The following ERBB4 variants were observed in gnomAD, a reference collection of about 807,000 sequenced individuals.
ERBB4 encodes the protein erb-b2 receptor tyrosine kinase 4, also known as receptor tyrosine-protein kinase erbB-4.
In ERBB4, 42 loss-of-function variants were observed where a neutral mutation model predicts 158.0. That is an observed-to-expected ratio of 0.27 (90% CI 0.21 to 0.34). The LOEUF (loss-of-function observed/expected upper bound fraction) is 0.34, where lower values mean the gene tolerates loss of function less well. Ranked by LOEUF, ERBB4 falls within the 10% of genes least tolerant of loss-of-function variation. ERBB4 has a pLI of 1.00. For missense variants in ERBB4, 1,333 were observed against 1,624.1 expected, an observed-to-expected ratio of 0.82 and a Z score of 3.08; for synonymous variants, 583 against 558.7, an observed-to-expected ratio of 1.04 and a Z score of -0.61.
chr2:211,716,185 A>C (rs992186527), intron 7 of ERBB4, among the ~76,000 whole-genome samples: 1 of 151,370 alleles, frequency 6.6e-6, no homozygotes, highest in African/African-American at 2.4e-5. Context: ...CAACATGGAG[A>C]AACCCTGTCT....
Position 212,446,972 on chromosome 2 carries a change from A to T in ERBB4, c.82+91477T>A, listed in dbSNP as rs1490909690. On this transcript the variant is annotated intron_variant, in intron 1 of 27. Transcript: ENST00000342788. ...AAAGGAAGTCAATGGAAAGAAAAAA[A>T]TACTAATTAATACCAAATTTTTCTT... Among the ~76,000 whole-genome samples, 4 of 150,970 alleles carry T rather than the reference A, an allele frequency of 2.6e-5. 1 individual carries two copies. Among genetic ancestry groups the T allele is most frequent in the South Asian group, 4.2e-4 (2 of 4,784 alleles).
chr2:211,705,906 A>T (rs2073421436), intron 9 of ERBB4, among the ~76,000 whole-genome samples: 1 of 152,156 alleles, frequency 6.6e-6, no homozygotes, highest in Non-Finnish European at 1.5e-5. Flanking sequence ...GTGAATTTTC[A>T]TAATATTTAT....
intron 1 of ERBB4, among the ~76,000 whole-genome samples, chr2:212,183,242 A>G (rs1392609201): frequency 6.6e-6 from 1 of 151,986 alleles, no homozygotes; most frequent in African/African-American, 2.4e-5. Flanking sequence ...TAGTAATAAA[A>G]AATAAAAAAG....
At chr2:211,487,545 A>C (rs886459610) in intron 20 of ERBB4, among the ~76,000 whole-genome samples, 2 of 152,030 alleles carry the variant, frequency 1.3e-5, no homozygotes, top group African/African-American at 4.8e-5. Context: ...CATTTTAAAA[A>C]CAATTATTTT....
At chr2:211,837,950 A>T (rs184652191) in intron 3 of ERBB4, among the ~76,000 whole-genome samples, 1 of 152,156 alleles carries the variant, frequency 6.6e-6, no homozygotes, top group Admixed American at 6.6e-5. Flanking sequence ...ATATCTACAA[A>T]GCACATGGGA....
At chr2:211,888,738 A>T (rs933749463) in intron 3 of ERBB4, among the ~76,000 whole-genome samples, 18 of 151,984 alleles carry the variant, frequency 1.2e-4, no homozygotes, top group African/African-American at 3.9e-4. Context: ...CTCACCTGGG[A>T]AGCGCGAGGG....
intron 19 of ERBB4, among the ~76,000 whole-genome samples, chr2:211,603,546 G>T (rs555207477): frequency 6.6e-6 from 1 of 152,200 alleles, no homozygotes; most frequent in South Asian, 2.1e-4. Context: ...CATTTCTTTT[G>T]GTCTCTGGTT....
intron 1 of ERBB4, among the ~76,000 whole-genome samples, chr2:212,260,165 T>G (rs1457140057): frequency 6.6e-6 from 1 of 152,082 alleles, no homozygotes; most frequent in African/African-American, 2.4e-5. Context: ...AAAGGAGATA[T>G]GAGAAAATAA....
chr2:211,478,115 T>A (rs889624998), intron 20 of ERBB4, among the ~76,000 whole-genome samples: 1 of 152,184 alleles, frequency 6.6e-6, no homozygotes, highest in South Asian at 2.1e-4. Context: ...AATAAAGGGA[T>A]GCCAACCACA....
chr2:211,977,465 T>C (rs1434708394), intron 2 of ERBB4, among the ~76,000 whole-genome samples: 1 of 150,094 alleles, frequency 6.7e-6, no homozygotes, highest in Non-Finnish European at 1.5e-5. Flanking sequence ...CCGTAACTTC[T>C]CAGAGTGCCT....
intron 3 of ERBB4, among the ~76,000 whole-genome samples, chr2:211,934,654 A>G (rs892269758): frequency 2.0e-5 from 3 of 151,952 alleles, no homozygotes; most frequent in Non-Finnish European, 2.9e-5. Flanking sequence ...AAAATAAAAC[A>G]CGCTTCAAAT....
intron 1 of ERBB4, among the ~76,000 whole-genome samples, chr2:212,289,586 T>C (rs1260842309): frequency 6.6e-6 from 1 of 152,152 alleles, no homozygotes; most frequent in East Asian, 1.9e-4. Context: ...AATGAGACAG[T>C]TTAAATTCAA....
Position 211,491,630 on chromosome 2 carries a change from AATAAATT to A in ERBB4, c.2488-60537_2488-60531del, listed in dbSNP as rs1216274389. On this transcript the variant is annotated intron_variant, in intron 20 of 27. Coordinates refer to ENST00000342788, the MANE Select transcript of ERBB4 (RefSeq NM_005235.3). ...TTGGTTTGGTAATTATGTTATAAAT[AATAAATT>A]ATAAAGTTCTTAGGAATGGTAATTA... 2.6e-5 allele frequency among the ~76,000 whole-genome samples: 4 copies of A among 152,220 alleles called. No individual in the cohort carries two copies. In the East Asian group the frequency reaches 5.8e-4, roughly 22 times the overall value.
At chr2:212,307,062 A>G (rs1574645933) in intron 1 of ERBB4, among the ~76,000 whole-genome samples, 1 of 151,332 alleles carries the variant, frequency 6.6e-6, no homozygotes, top group African/African-American at 2.4e-5. Flanking sequence ...ACAGACTTCA[A>G]AATAAAAAGT....
intron 2 of ERBB4, among the ~76,000 whole-genome samples, chr2:212,041,713 C>G (rs1204672993): frequency 6.6e-6 from 1 of 151,880 alleles, no homozygotes; most frequent in Non-Finnish European, 1.5e-5. Context: ...TATAGAATAT[C>G]CTATTCTCTG....
At chr2:212,465,338 G>T (rs1688778786) in intron 1 of ERBB4, among the ~76,000 whole-genome samples, 1 of 152,084 alleles carries the variant, frequency 6.6e-6, no homozygotes, top group South Asian at 2.1e-4. Context: ...CTTAAAATTT[G>T]CTGAAGAAGG....
rs143713752 is a variant in ERBB4, at chr2:212,171,309, G to T, written c.83-46406C>A. Reference sequence around the variant, plus strand: ...AATGCCCATACCCCCATTGTATCTTGGAAGTAACTAACTTGTTTTTTTTTT... The same window carrying T: ...AATGCCCATACCCCCATTGTATCTTTGAAGTAACTAACTTGTTTTTTTTTT... On this transcript the variant is annotated intron_variant, in intron 1 of 27. Coordinates refer to ENST00000342788, the MANE Select transcript of ERBB4 (RefSeq NM_005235.3). Among the ~76,000 whole-genome samples the T allele has an allele frequency of 3.2e-3, 471 of 145,524 alleles. 4 individuals are homozygous for T. The highest frequency in any genetic ancestry group is 0.012 in the African/African-American group (459 of 38,836).
intron 1 of ERBB4, among the ~76,000 whole-genome samples, chr2:212,231,112 T>G (rs1007485600): frequency 6.6e-5 from 10 of 152,176 alleles, no homozygotes; most frequent in African/African-American, 2.4e-4. Context: ...TTCAATGATT[T>G]GGTCTTCCAA....
intron 17 of ERBB4, among the ~76,000 whole-genome samples, chr2:211,630,231 T>G (rs868306714): frequency 4.6e-5 from 7 of 152,102 alleles, no homozygotes; most frequent in African/African-American, 1.7e-4. Context: ...ACAGATACTT[T>G]CCCCAATACA....
Sources: allele counts gnomAD v4.1 joint callset (sites outside exome capture counted in the v4.1 genomes callset), GRCh38; gene constraint gnomAD v4.1.1; transcripts MANE v1.5; gene names NCBI Gene and HGNC (gene_info 2026-07-23, HGNC 2026-07-21).